TBC1D31: variants seen among roughly 807,000 people sequenced by gnomAD.
TBC1D31 encodes the protein TBC1 domain family member 31.
TBC1D31 carries 99 observed loss-of-function variants against 132.9 expected under a neutral mutation model. The ratio of observed to expected loss-of-function variants is 0.74; its 90% CI spans 0.63 to 0.88. The LOEUF is 0.88. Among genes scored for constraint, TBC1D31 ranks in the 40% least tolerant of loss-of-function variants. The probability of loss-of-function intolerance (pLI) is 0.00; values close to 1 mark genes in which losing one functional copy is unlikely to be tolerated. For synonymous variants in TBC1D31, 385 were observed against 419.4 expected (o/e 0.92, Z 1.00); for missense variants, 1,134 against 1,256.6 (o/e 0.90, Z 1.48).
intron 7 of TBC1D31, among the ~76,000 whole-genome samples, chr8:123,101,557 G>A (rs1817418856): frequency 6.6e-6 from 1 of 152,100 alleles, no homozygotes; most frequent in African/African-American, 2.4e-5. Context: ...TGGGATTACA[G>A]GCGCACGCCA....
At chr8:123,162,076 A>T in the TBC1D31 span, among the ~76,000 whole-genome samples, 1 of 151,846 alleles carries the variant, frequency 6.6e-6, no homozygotes, top group Non-Finnish European at 1.5e-5. Flanking sequence ...TGGATTCCAT[A>T]CAAACCAAAA....
At chr8:123,140,973 A>C in intron 18 of TBC1D31, 72 bp downstream of exon 18, 2 of 1,391,480 alleles carry the variant, frequency 1.4e-6, no homozygotes, top group Non-Finnish European at 2.0e-6. Context: ...AGAGAACAAA[A>C]TCGAAATTAA....
chr8:123,080,596 G>T (rs756767406), intron 2 of TBC1D31, among the ~76,000 whole-genome samples: 5 of 133,450 alleles, frequency 3.7e-5, no homozygotes, highest in Admixed American at 8.8e-5. Flanking sequence ...GGGGTACAGT[G>T]GTGTGATCGG....
rs773935442 is a variant in TBC1D31, at chr8:123,126,159, A to C, written c.1674A>C (p.Gln558His). The C allele has an allele frequency of 4.3e-6, 7 of 1,612,512 alleles. No homozygotes were observed. The East Asian group carries it at 1.6e-4, about 36-fold the overall frequency. ...VLAFHDKELL[Q>H]HFIDHDITSQ... ...CATTTCATGACAAGGAACTGCTGCA[A>C]CACTTCATAGATCATGATATAACCT... Residue 558 changes from glutamine to histidine, a missense_variant, in exon 12 of 22, where the codon CAA becomes CAC. Transcript: ENST00000287380.
intron 2 of TBC1D31, 78 bp from the exon 3 acceptor site, chr8:123,082,624 G>T: frequency 2.0e-6 from 2 of 1,008,250 alleles, no homozygotes; most frequent in South Asian, 3.0e-5. Context: ...CATTTTCTTC[G>T]TCTCTACGGA....
rs1023010139 is a variant in TBC1D31 at position 123,106,609 on chromosome 8, C to T, written c.1209+1145C>T. On this transcript the variant is annotated intron_variant, in intron 8 of 21. Coordinates refer to ENST00000287380, the MANE Select transcript of TBC1D31 (RefSeq NM_145647.4). ...CACTGGGGATCTTGGAACATTTCCT[C>T]GTCAAATCAGTGGGGACTATTGTAA... is the stretch of plus-strand genomic sequence containing the variant. 5.9e-5 allele frequency among the ~76,000 whole-genome samples: 9 copies of T among 152,270 alleles called. No homozygotes were observed. The East Asian group carries it at 9.7e-4, about 16-fold the overall frequency.
At chr8:123,096,979 A>G (rs1318506793) in intron 5 of TBC1D31, among the ~76,000 whole-genome samples, 1 of 152,222 alleles carries the variant, frequency 6.6e-6, no homozygotes, top group East Asian at 1.9e-4. Context: ...AAAACCCACA[A>G]TCAGGTCATT....
intron 12 of TBC1D31, 106 bp from the exon 13 acceptor site, chr8:123,126,402 T>C: frequency 8.3e-7 from 1 of 1,202,448 alleles, no homozygotes; most frequent in Non-Finnish European, 1.1e-6. Context: ...TAATTATGTA[T>C]TTAATATGAT....
At chr8:123,077,035 C>T in intron 1 of TBC1D31, 76 bp from the exon 2 acceptor site, 2 of 1,379,016 alleles carry the variant, frequency 1.5e-6, no homozygotes, top group Non-Finnish European at 9.8e-7. Context: ...AGACGAAATG[C>T]TTTACTTGCC....
chr8:123,085,079 C>T (rs1213422778), intron 4 of TBC1D31, among the ~76,000 whole-genome samples: 1 of 152,144 alleles, frequency 6.6e-6, no homozygotes, highest in Non-Finnish European at 1.5e-5. Context: ...CATAAGCCAC[C>T]ATGCCCAGCT....
At chr8:123,086,357 A>G (rs1046175554) in intron 4 of TBC1D31, among the ~76,000 whole-genome samples, 5 of 152,182 alleles carry the variant, frequency 3.3e-5, no homozygotes, top group Non-Finnish European at 5.9e-5. Flanking sequence ...CACTGCCTCA[A>G]TGAAGTAGGC....
At chr8:123,119,750 G>A (rs183029059) in intron 10 of TBC1D31, among the ~76,000 whole-genome samples, 8 of 152,160 alleles carry the variant, frequency 5.3e-5, no homozygotes, top group East Asian at 3.9e-4. Context: ...AAGGTGTATC[G>A]GTACGAAGCT....
chr8:123,156,835 C>A (rs530214837), downstream of TBC1D31, among the ~76,000 whole-genome samples: 1 of 152,344 alleles, frequency 6.6e-6, no homozygotes, highest in African/African-American at 2.4e-5. Flanking sequence ...GTGTTCCCAG[C>A]CACTCCTCTG....
intron 9 of TBC1D31, 29 bp from the exon 10 acceptor site, chr8:123,109,444 TG>T: frequency 6.2e-7 from 1 of 1,609,124 alleles, no homozygotes; most frequent in South Asian, 1.1e-5. Flanking sequence ...CAAAAAAAAT[TG>T]GGGGGATTAA....
intron 2 of TBC1D31, among the ~76,000 whole-genome samples, chr8:123,082,226 C>A (rs990267055): frequency 2.0e-5 from 3 of 152,094 alleles, no homozygotes; most frequent in African/African-American, 7.2e-5. Flanking sequence ...AACATGTATT[C>A]TTTCATTTAG....
At chr8:123,163,202 G>A in the TBC1D31 span, among the ~76,000 whole-genome samples, 1 of 151,948 alleles carries the variant, frequency 6.6e-6, no homozygotes, top group South Asian at 2.1e-4. Context: ...TTACAGGCAT[G>A]AGTCACCGCA....
chr8:123,120,448 G>T (rs984477140), intron 11 of TBC1D31, among the ~76,000 whole-genome samples: 10 of 152,320 alleles, frequency 6.6e-5, no homozygotes, highest in Admixed American at 4.6e-4. Flanking sequence ...GAGGCAGGCG[G>T]ATCACCTGAG....
chr8:123,162,813 C>T, the TBC1D31 span, among the ~76,000 whole-genome samples: 1 of 152,002 alleles, frequency 6.6e-6, no homozygotes, highest in Non-Finnish European at 1.5e-5. Flanking sequence ...ATGGCTTAAA[C>T]AGCAAGCATG....
intron 1 of TBC1D31, chr8:123,073,151 C>G: frequency 2.0e-6 from 1 of 503,540 alleles, no homozygotes; most frequent in Non-Finnish European, 3.7e-6. Context: ...ATCACGGTAT[C>G]CCGCTAGTGT....
Sources: allele counts gnomAD v4.1 joint callset (sites outside exome capture counted in the v4.1 genomes callset), GRCh38; gene constraint gnomAD v4.1.1; transcripts MANE v1.5; gene names NCBI Gene and HGNC (gene_info 2026-07-23, HGNC 2026-07-21).